The following EHD4 variants were observed in gnomAD, a reference collection of about 807,000 sequenced individuals.
The protein encoded by EHD4 is EH domain containing 4.
Under a neutral mutation model 51.0 loss-of-function variants are expected in EHD4, and 37 were observed. The ratio of observed to expected loss-of-function variants is 0.73; its 90% confidence interval spans 0.56 to 0.95. The LOEUF (loss-of-function observed/expected upper bound fraction) is 0.95. Among genes scored for constraint, EHD4 ranks in the 40% least tolerant of loss-of-function variants. EHD4 has a pLI of 0.00. For synonymous variants in EHD4, 297 were observed against 317.3 expected, an observed-to-expected ratio of 0.94 and a Z score of 0.68; for missense variants, 632 against 733.1, an observed-to-expected ratio of 0.86 and a Z score of 1.59.
intron 3 of EHD4, 89 bp downstream of exon 3, chr15:41,942,978 T>C (rs762032031): frequency 8.7e-6 from 11 of 1,270,626 alleles, no homozygotes; most frequent in African/African-American, 3.0e-5. Context: ...GGAGGACGGA[T>C]AGAATAATAT....
At chr15:41,917,300 T>C (rs565484773) in intron 4 of EHD4, among the ~76,000 whole-genome samples, 10 of 152,218 alleles carry the variant, frequency 6.6e-5, no homozygotes, top group Admixed American at 5.2e-4. Flanking sequence ...TTTGTATTTT[T>C]AGTAGAGACG....
chr15:41,926,539 C>T (rs572512263), intron 3 of EHD4, among the ~76,000 whole-genome samples: 15 of 152,284 alleles, frequency 9.9e-5, no homozygotes, highest in Middle Eastern at 3.4e-3. Flanking sequence ...GCATCCAGCA[C>T]GAGGCAGGCA....
chr15:41,961,512 C>T (rs2067924326), intron 1 of EHD4, among the ~76,000 whole-genome samples: 1 of 152,106 alleles, frequency 6.6e-6, no homozygotes, highest in Non-Finnish European at 1.5e-5. Context: ...ACAGCATATC[C>T]CAAAGTTACT....
At chr15:41,920,081 C>T (rs1446361075) in intron 3 of EHD4, among the ~76,000 whole-genome samples, 1 of 152,160 alleles carries the variant, frequency 6.6e-6, no homozygotes, top group Non-Finnish European at 1.5e-5. Flanking sequence ...ATGGGGGTAT[C>T]CAGTAAGCAT....
At chr15:41,966,159 C>T (rs1205740161) in intron 1 of EHD4, among the ~76,000 whole-genome samples, 2 of 152,036 alleles carry the variant, frequency 1.3e-5, no homozygotes, top group Non-Finnish European at 2.9e-5. Context: ...GGCCAGGCCT[C>T]CTTCCCCCAG....
Position 41,900,866 on chromosome 15 carries a change from T to G in EHD4, c.1405A>C (p.Asn469His). ...SPINGKISGV[N>H]AKKEMVTSKL... ...GAGGTCACCATCTCCTTCTTGGCGT[T>G]GACACCTGATATCTTGCCATTGATG... The change falls in exon 6 of 6, where the codon AAC (asparagine) becomes CAC (histidine). Residue 469 changes from asparagine (N) to histidine (H), a missense_variant. Coordinates refer to ENST00000220325, the MANE Select transcript of EHD4 (RefSeq NM_139265.4). The surrounding 1 kb of genome is among the most constrained non-coding windows in gnomAD (Gnocchi z 4.8). The G allele has an allele frequency of 6.2e-7, 1 of 1,614,172 alleles. No homozygotes were observed. Among genetic ancestry groups the G allele is most frequent in the Non-Finnish European group, 8.5e-7 (1 of 1,180,022 alleles).
chr15:41,943,214 G>C, intron 2 of EHD4, 50 bp from the exon 3 acceptor site: 2 of 1,456,446 alleles, frequency 1.4e-6, no homozygotes, highest in Non-Finnish European at 1.9e-6. Context: ...ATCACAGAGT[G>C]CTCCAACCAT....
intron 1 of EHD4, among the ~76,000 whole-genome samples, chr15:41,962,714 G>GT (rs549730950): frequency 0.014 from 2,063 of 152,270 alleles, 51 homozygotes; most frequent in African/African-American, 0.047. Context: ...CGTCTGGGAG[G>GT]TGGGGGGCGC....
chr15:41,962,166 A>G (rs2067928223), intron 1 of EHD4, among the ~76,000 whole-genome samples: 1 of 152,230 alleles, frequency 6.6e-6, no homozygotes, highest in Non-Finnish European at 1.5e-5. Flanking sequence ...TGGGAAGAGC[A>G]AATACAAAAA....
chr15:41,955,743 T>C (rs1178461388), intron 1 of EHD4, among the ~76,000 whole-genome samples: 1 of 152,244 alleles, frequency 6.6e-6, no homozygotes, highest in Non-Finnish European at 1.5e-5. Context: ...TAAAAGTTAC[T>C]GTGAGGGATG....
At chr15:41,955,696 A>T (rs536458052) in intron 1 of EHD4, among the ~76,000 whole-genome samples, 12 of 152,314 alleles carry the variant, frequency 7.9e-5, no homozygotes, top group African/African-American at 2.6e-4. Flanking sequence ...GTGTTGATCA[A>T]TTCTTACACA....
At chr15:41,918,940 T>TGACCAACTGTCACCCC (rs2067603683) in intron 4 of EHD4, among the ~76,000 whole-genome samples, 1 of 152,250 alleles carries the variant, frequency 6.6e-6, no homozygotes, top group South Asian at 2.1e-4. Flanking sequence ...TCTGTCACAC[T>TGACCAACTGTCACCCC]GACCAACTGT....
At chr15:41,955,406 G>A (rs531254499) in intron 1 of EHD4, among the ~76,000 whole-genome samples, 2 of 152,238 alleles carry the variant, frequency 1.3e-5, no homozygotes, top group African/African-American at 4.8e-5. Flanking sequence ...GGGGTGAAGA[G>A]CAAAGCAAAG....
intron 2 of EHD4, 36 bp downstream of exon 2, chr15:41,953,728 C>A: frequency 6.4e-7 from 1 of 1,557,062 alleles, no homozygotes; most frequent in Non-Finnish European, 8.6e-7. Context: ...AAGGTTTAAA[C>A]AGCCTGACCG....
intron 3 of EHD4, among the ~76,000 whole-genome samples, chr15:41,925,815 C>T (rs949397182): frequency 6.6e-6 from 1 of 152,112 alleles, no homozygotes; most frequent in Non-Finnish European, 1.5e-5. Context: ...AAGGAAGGAG[C>T]CCCTTCTACC....
Position 41,919,421 on chromosome 15 carries a change from GC to G in EHD4, c.712del (p.Ala238ProfsTer6), listed in dbSNP as rs1470361788. On this transcript the variant is annotated frameshift_variant, in exon 4 of 6. Coordinates refer to ENST00000220325, the MANE Select transcript of EHD4 (RefSeq NM_139265.4). LOFTEE classifies it high-confidence loss of function. ...DTQQLMRVYG[A>X]LMWSLGKVIN... is the part of the protein sequence containing the mutation. ...GACCTTGCCTAGGGACCACATGAGG[GC>G]CCCGTAGACCCGCATCAGCTGCTGC... The G allele has an allele frequency of 3.8e-6, 6 of 1,595,726 alleles. No homozygotes were observed. Among genetic ancestry groups the G allele is most frequent in the South Asian group, 2.3e-5 (2 of 88,232 alleles).
At chr15:41,947,161 A>C (rs115175200) in intron 2 of EHD4, among the ~76,000 whole-genome samples, 1 of 152,188 alleles carries the variant, frequency 6.6e-6, no homozygotes, top group African/African-American at 2.4e-5. Context: ...CTCCTGGGCT[A>C]CTATCACCAT....
chr15:41,927,841 T>C (rs986996419), intron 3 of EHD4, among the ~76,000 whole-genome samples: 1 of 152,222 alleles, frequency 6.6e-6, no homozygotes, highest in African/African-American at 2.4e-5. Flanking sequence ...TAGATTTCGT[T>C]AAGTGTTCTT....
At chr15:41,931,386 G>A (rs898217054) in intron 3 of EHD4, among the ~76,000 whole-genome samples, 2 of 152,018 alleles carry the variant, frequency 1.3e-5, no homozygotes, top group African/African-American at 4.8e-5. Flanking sequence ...GGTGGTGCAT[G>A]CCTACAGTCC....
Sources: gnomAD v4.1 joint callset for allele counts (sites outside exome capture counted in the v4.1 genomes callset) on GRCh38, gnomAD v4.1.1 for gene constraint, Gnocchi (gnomAD v3.1) non-coding constraint, MANE v1.5 for transcripts, NCBI Gene and HGNC (gene_info 2026-07-23, HGNC 2026-07-21) for gene names.